The following RYR2 variants were observed in gnomAD, a reference collection of about 807,000 sequenced individuals.
RYR2 encodes cardiac muscle ryanodine receptor-calcium release channel.
In RYR2, 227 loss-of-function variants were observed where a neutral mutation model predicts 601.1. That is an observed-to-expected ratio of 0.38 (90% CI 0.34 to 0.42). The LOEUF (loss-of-function observed/expected upper bound fraction) is 0.42. Ranked by LOEUF, RYR2 falls within the 10% of genes least tolerant of loss-of-function variation. RYR2 has a pLI of 1.00. For missense variants in RYR2, 4,646 were observed against 6,156.5 expected, an observed-to-expected ratio of 0.75 and a Z score of 8.21; for synonymous variants, 2,223 against 2,175.1, an observed-to-expected ratio of 1.02 and a Z score of -0.61.
intron 1 of RYR2, among the ~76,000 whole-genome samples, chr1:237,139,289 A>G (rs531162441): frequency 7.4e-4 from 113 of 152,330 alleles, no homozygotes; most frequent in African/African-American, 2.6e-3. Flanking sequence ...AAAGGACAAC[A>G]TCTGTGGGAT....
intron 73 of RYR2, among the ~76,000 whole-genome samples, chr1:237,721,529 GTTT>G (rs560949278): frequency 1.1e-4 from 17 of 152,136 alleles, no homozygotes; most frequent in African/African-American, 3.6e-4. Context: ...TTGTTTGTTT[GTTT>G]TTTGAGATGG....
chr1:237,799,561 T>C (rs1424942883), intron 97 of RYR2, among the ~76,000 whole-genome samples: 1 of 152,200 alleles, frequency 6.6e-6, no homozygotes, highest in African/African-American at 2.4e-5. Flanking sequence ...TCATATGGCA[T>C]TTAACACCTT....
chr1:237,658,547 A>G (rs1312940479), intron 54 of RYR2, among the ~76,000 whole-genome samples: 1 of 152,092 alleles, frequency 6.6e-6, no homozygotes, highest in Non-Finnish European at 1.5e-5. Context: ...GCACACCACC[A>G]TACCTTGCTA....
At chr1:237,630,651 T>C (rs1680149008) in intron 41 of RYR2, among the ~76,000 whole-genome samples, 1 of 152,176 alleles carries the variant, frequency 6.6e-6, no homozygotes, top group Admixed American at 6.5e-5. Context: ...AAAAGACTCT[T>C]GGCATCGATT....
At chr1:237,250,339 G>T (rs145816862) in intron 1 of RYR2, among the ~76,000 whole-genome samples, 54 of 152,246 alleles carry the variant, frequency 3.5e-4, no homozygotes, top group African/African-American at 1.2e-3. Flanking sequence ...AACATTTTTA[G>T]AATACTCAAC....
intron 102 of RYR2, chr1:237,830,109 C>G (rs2102942674): frequency 5.8e-6 from 1 of 173,458 alleles, no homozygotes; most frequent in East Asian, 1.7e-4. Flanking sequence ...CCTATTCCCC[C>G]TTGGTCGTCC....
chr1:237,771,413 A>C (rs540022368), intron 85 of RYR2, among the ~76,000 whole-genome samples: 1 of 115,600 alleles, frequency 8.7e-6, no homozygotes, highest in African/African-American at 3.8e-5. Flanking sequence ...CCTGTCTCTC[A>C]ATAAAAAAAA....
chr1:237,414,870 T>C (rs1245844208), intron 10 of RYR2, among the ~76,000 whole-genome samples: 3 of 152,122 alleles, frequency 2.0e-5, no homozygotes, highest in African/African-American at 4.8e-5. Context: ...GCAATCTGGG[T>C]CTTAACAAAC....
intron 3 of RYR2, among the ~76,000 whole-genome samples, chr1:237,345,885 A>G (rs1032321706): frequency 3.9e-5 from 6 of 152,026 alleles, no homozygotes; most frequent in African/African-American, 1.5e-4. Context: ...TTATCTCCCA[A>G]ATGAAATTAC....
At chr1:237,504,778 C>G (rs986307857) in intron 22 of RYR2, among the ~76,000 whole-genome samples, 5 of 152,104 alleles carry the variant, frequency 3.3e-5, no homozygotes, top group African/African-American at 1.2e-4. Flanking sequence ...AGCCCCCAAC[C>G]TTTTTGGCAC....
chr1:237,590,996 AC>A lies in RYR2; in HGVS notation c.4160+5del. 1 of 1,603,062 alleles carries A rather than the reference AC, an allele frequency of 6.2e-7. No individual in the cohort carries two copies. The highest frequency in any genetic ancestry group is 8.5e-7 in the Non-Finnish European group (1 of 1,173,492). On this transcript the variant is annotated splice_donor_5th_base_variant and intron_variant, in intron 31 of 104. Coordinates refer to ENST00000366574, the MANE Select transcript of RYR2 (RefSeq NM_001035.3). ...AGCCCTCTCGTCTGAAACAAAGGTT[AC>A]TAATTTATACGCTGTGATTTTAAAT...
chr1:237,274,473 A>G (rs1690060042), intron 2 of RYR2, among the ~76,000 whole-genome samples: 1 of 152,186 alleles, frequency 6.6e-6, no homozygotes, highest in South Asian at 2.1e-4. Flanking sequence ...AAATATTTTC[A>G]TACAGCTGTG....
chr1:237,795,453 T>TC, intron 96 of RYR2, 122 bp downstream of exon 96: 2 of 527,436 alleles, frequency 3.8e-6, no homozygotes, highest in East Asian at 7.4e-5. Context: ...TGTCTCCATT[T>TC]TTTTTTTTTA....
intron 24 of RYR2, among the ~76,000 whole-genome samples, chr1:237,522,675 T>G (rs918433089): frequency 5.3e-5 from 8 of 152,208 alleles, no homozygotes; most frequent in Non-Finnish European, 7.3e-5. Flanking sequence ...AATGAATGAA[T>G]TAATAAATAA....
At chr1:237,658,050 G>A (rs1382356947) in intron 54 of RYR2, 28 bp downstream of exon 54, 1 of 1,291,850 alleles carries the variant, frequency 7.7e-7, no homozygotes, top group Non-Finnish European at 1.0e-6. Flanking sequence ...TTCTAATTCA[G>A]TAGTCATTAT....
intron 2 of RYR2, among the ~76,000 whole-genome samples, chr1:237,307,583 A>G (rs999318957): frequency 2.0e-5 from 3 of 152,154 alleles, no homozygotes; most frequent in African/African-American, 7.2e-5. Flanking sequence ...TTTGTCATTT[A>G]TTTATCAAGC....
At chr1:237,477,255 G>C (rs1661516102) in intron 17 of RYR2, among the ~76,000 whole-genome samples, 1 of 152,132 alleles carries the variant, frequency 6.6e-6, no homozygotes, top group Non-Finnish European at 1.5e-5. Context: ...GCTGGGCGTA[G>C]TGGTGCGCAC....
chr1:237,818,049 A>C (rs906740973), intron 100 of RYR2, among the ~76,000 whole-genome samples: 1 of 152,208 alleles, frequency 6.6e-6, no homozygotes, highest in Non-Finnish European at 1.5e-5. Flanking sequence ...TGGAGGAGGT[A>C]TGGGGAGAGC....
chr1:237,627,715 C>T, intron 40 of RYR2, 92 bp from the exon 41 acceptor site: 1 of 1,303,468 alleles, frequency 7.7e-7, no homozygotes, highest in Admixed American at 2.8e-5. Flanking sequence ...ATAGAAATAC[C>T]AATTTGGGGG....
Sources: allele counts gnomAD v4.1 joint callset (sites outside exome capture counted in the v4.1 genomes callset), GRCh38; gene constraint gnomAD v4.1.1; transcripts MANE v1.5; gene names NCBI Gene and HGNC (gene_info 2026-07-23, HGNC 2026-07-21).